Variants in VPS13B observed in about 807,000 individuals in gnomAD.
The protein encoded by VPS13B is intermembrane lipid transfer protein VPS13B.
In VPS13B, 285 loss-of-function variants were observed where a neutral mutation model predicts 426.4. The ratio of observed to expected loss-of-function variants is 0.67; its 90% CI spans 0.61 to 0.74. The LOEUF is 0.74. Ranked by LOEUF, VPS13B falls within the 30% of genes least tolerant of loss-of-function variation. The pLI is 0.00. For synonymous variants in VPS13B, 1,676 were observed against 1,676.4 expected, an observed-to-expected ratio of 1.00 and a Z score of 0.01; for missense variants, 4,537 against 4,782.6, an observed-to-expected ratio of 0.95 and a Z score of 1.51.
rs562333001 is a variant in VPS13B at position 99,630,740 on chromosome 8, T to A, written c.5221-11071T>A. On this transcript the variant is annotated intron_variant, in intron 33 of 61. Transcript: ENST00000357162. ...ACCTTACATTCTCATTGGGCAACTG[T>A]TTATAAGTAAATATTGAAAGTGTTC... Among the ~76,000 whole-genome samples the A allele has an allele frequency of 5.9e-5, 9 of 152,200 alleles. No homozygotes were observed. In the South Asian group the frequency reaches 1.9e-3, roughly 32 times the overall value.
chr8:99,868,187 G>A, intron 58 of VPS13B, 102 bp from the exon 59 acceptor site: 1 of 1,431,008 alleles, frequency 7.0e-7, no homozygotes, highest in Non-Finnish European at 9.7e-7. Flanking sequence ...AATGAGGGTG[G>A]GGACTCATTT....
chr8:99,158,234 C>T (rs1373754896), intron 15 of VPS13B, among the ~76,000 whole-genome samples: 1 of 152,158 alleles, frequency 6.6e-6, no homozygotes, highest in Non-Finnish European at 1.5e-5. Flanking sequence ...CAATGCCTTG[C>T]TTCAAAACTT....
chr8:99,629,168 G>A (rs568949862), intron 33 of VPS13B, among the ~76,000 whole-genome samples: 1 of 152,238 alleles, frequency 6.6e-6, no homozygotes, highest in South Asian at 2.1e-4. Flanking sequence ...TTGTTCTGAG[G>A]ATTAAATGAG....
At chr8:99,313,410 T>C (rs1225483952) in intron 19 of VPS13B, among the ~76,000 whole-genome samples, 15 of 152,238 alleles carry the variant, frequency 9.9e-5, no homozygotes, top group Admixed American at 9.8e-4. Flanking sequence ...GCTGCAGGTC[T>C]ATTGGAGTTT....
At chr8:99,610,176 C>T (rs1164105504) in intron 33 of VPS13B, among the ~76,000 whole-genome samples, 1 of 152,046 alleles carries the variant, frequency 6.6e-6, no homozygotes, top group Non-Finnish European at 1.5e-5. Context: ...TCATATTTCT[C>T]CTGTTTAATT....
intron 39 of VPS13B, among the ~76,000 whole-genome samples, chr8:99,740,438 G>T (rs1809648052): frequency 1.3e-5 from 2 of 152,092 alleles, no homozygotes; most frequent in Admixed American, 1.3e-4. Context: ...ATCTAGCAAG[G>T]CAGGCCAACA....
chr8:99,224,584 G>A (rs564772701), intron 17 of VPS13B, among the ~76,000 whole-genome samples: 101 of 152,176 alleles, frequency 6.6e-4, no homozygotes, highest in Non-Finnish European at 1.3e-3. Flanking sequence ...TTGATGAGGA[G>A]ATGTATTGAG....
intron 23 of VPS13B, among the ~76,000 whole-genome samples, chr8:99,461,080 A>C (rs532257487): frequency 6.6e-6 from 1 of 152,224 alleles, no homozygotes; most frequent in Non-Finnish European, 1.5e-5. Flanking sequence ...GAGGATTTTA[A>C]AAAACCTCCT....
At chr8:99,660,329 A>G (rs1830174072) in intron 34 of VPS13B, among the ~76,000 whole-genome samples, 1 of 152,218 alleles carries the variant, frequency 6.6e-6, no homozygotes, top group African/African-American at 2.4e-5. Context: ...CATATGTTGA[A>G]TATAATACAC....
intron 3 of VPS13B, among the ~76,000 whole-genome samples, chr8:99,073,049 T>C (rs1410586703): frequency 6.6e-6 from 1 of 152,172 alleles, no homozygotes; most frequent in Non-Finnish European, 1.5e-5. Context: ...TTTGTTCTTT[T>C]TGCTCAGGGT....
At chr8:99,131,611 C>T (rs903021254) in intron 8 of VPS13B, among the ~76,000 whole-genome samples, 7 of 152,144 alleles carry the variant, frequency 4.6e-5, no homozygotes, top group African/African-American at 1.7e-4. Flanking sequence ...AAGTGTCCAA[C>T]AGTATGTCTA....
chr8:99,440,522 T>G (rs1468735119), intron 22 of VPS13B, among the ~76,000 whole-genome samples: 1 of 152,156 alleles, frequency 6.6e-6, no homozygotes, highest in African/African-American at 2.4e-5. Context: ...GTGATAGCTT[T>G]AGTATATATA....
At chr8:99,325,956 G>A (rs1393218641) in intron 19 of VPS13B, among the ~76,000 whole-genome samples, 1 of 151,732 alleles carries the variant, frequency 6.6e-6, no homozygotes, top group East Asian at 1.9e-4. Flanking sequence ...GTTTTCCATA[G>A]GATATGTTTT....
At chr8:99,646,352 A>G (rs1829576522) in intron 34 of VPS13B, among the ~76,000 whole-genome samples, 1 of 152,074 alleles carries the variant, frequency 6.6e-6, no homozygotes, top group Non-Finnish European at 1.5e-5. Context: ...CCATCTCTAC[A>G]AAAAATTACA....
chr8:99,779,684 G>A lies in VPS13B; in HGVS notation c.7779+653G>A, dbSNP rs1247153447. ...CTATGATAAGTGGCATATTTAAAATGGGAAACCTGTCCATGTCTGCTAGCA... is the reference window on the plus strand; with the variant it reads ...CTATGATAAGTGGCATATTTAAAATAGGAAACCTGTCCATGTCTGCTAGCA... On this transcript the variant is annotated intron_variant, in intron 42 of 61. Coordinates refer to ENST00000357162, the MANE Select transcript of VPS13B (RefSeq NM_152564.5). 2.0e-5 allele frequency among the ~76,000 whole-genome samples: 3 copies of A among 152,132 alleles called. No individual in the cohort carries two copies. In the East Asian group the frequency reaches 5.8e-4, roughly 29 times the overall value.
chr8:99,684,577 T>TTTTGAA (rs564920501), intron 35 of VPS13B, among the ~76,000 whole-genome samples: 4 of 152,186 alleles, frequency 2.6e-5, no homozygotes, highest in Non-Finnish European at 5.9e-5. Context: ...TTTGGTAGTA[T>TTTTGAA]TTTGAATTCT....
At chr8:99,507,701 AT>A in intron 28 of VPS13B, 1 of 1,606,264 alleles carries the variant, frequency 6.2e-7, no homozygotes, top group Middle Eastern at 1.7e-4. Flanking sequence ...CTATCCAGAT[AT>A]TTTTTTGCTT....
At chr8:99,421,200 T>C (rs183360634) in intron 21 of VPS13B, among the ~76,000 whole-genome samples, 13 of 152,320 alleles carry the variant, frequency 8.5e-5, no homozygotes, top group Non-Finnish European at 1.9e-4. Flanking sequence ...TTGTACCAAG[T>C]TGAATGGTTC....
chr8:99,429,548 C>T (rs913795179), intron 21 of VPS13B: 1 of 151,938 alleles, frequency 6.6e-6, no homozygotes, highest in Non-Finnish European at 1.5e-5. Context: ...TTCCTTTCTT[C>T]TCAAATGTGC....
Sources: gnomAD v4.1 joint callset for allele counts (sites outside exome capture counted in the v4.1 genomes callset) on GRCh38, gnomAD v4.1.1 for gene constraint, MANE v1.5 for transcripts, NCBI Gene and HGNC (gene_info 2026-07-23, HGNC 2026-07-21) for gene names.